Variants in GCNT2 observed in about 807,000 individuals in gnomAD.
GCNT2 encodes the protein glucosaminyl (N-acetyl) transferase 2 (I blood group), also known as N-acetyllactosaminide beta-1,6-N-acetylglucosaminyl-transferase.
GCNT2 carries 34 observed loss-of-function variants against 34.2 expected under a neutral mutation model. That is an observed-to-expected ratio of 1.00 (90% confidence interval 0.76 to 1.32). GCNT2 has a LOEUF of 1.32. Among genes scored for constraint, GCNT2 ranks in the 40% most tolerant of loss-of-function variants. The pLI, the probability that GCNT2 is intolerant of heterozygous loss-of-function variation, is 0.00. For synonymous variants in GCNT2, 212 were observed against 188.0 expected (o/e 1.13, Z -1.04); for missense variants, 584 against 489.4 (o/e 1.19, Z -1.82).
At chr6:10,625,546 G>A (rs145752497) in intron 4 of GCNT2, among the ~76,000 whole-genome samples, 13 of 151,984 alleles carry the variant, frequency 8.6e-5, no homozygotes, top group East Asian at 1.9e-4. Context: ...CAATATTGAC[G>A]TGTTACATCA....
intron 3 of GCNT2, among the ~76,000 whole-genome samples, chr6:10,571,252 AAAG>A (rs1277807579): frequency 6.6e-6 from 1 of 152,172 alleles, no homozygotes; most frequent in East Asian, 1.9e-4. Context: ...CCCCATACGG[AAAG>A]AAGATCTCTC....
At chr6:10,552,458 AAG>A in intron 3 of GCNT2, among the ~76,000 whole-genome samples, 1 of 152,018 alleles carries the variant, frequency 6.6e-6, no homozygotes, top group South Asian at 2.1e-4. Context: ...GCGGGGGAAA[AAG>A]AGTGGTTGCT....
chr6:10,605,114 C>T (rs910638342), intron 3 of GCNT2, among the ~76,000 whole-genome samples: 2 of 151,828 alleles, frequency 1.3e-5, no homozygotes, highest in Non-Finnish European at 2.9e-5. Flanking sequence ...CCATGTGCTC[C>T]AGCCTGGGAG....
chr6:10,609,854 G>A (rs913389894), intron 3 of GCNT2, among the ~76,000 whole-genome samples: 4 of 152,070 alleles, frequency 2.6e-5, no homozygotes, highest in East Asian at 3.9e-4. Flanking sequence ...GGTAAGAGGC[G>A]GCAGAAGAGG....
In GCNT2 at chr6:10,565,170, G is replaced by A. The variant is rs145267835; in HGVS notation, c.925+35334G>A. Among the ~76,000 whole-genome samples the A allele has an allele frequency of 1.8e-3, 275 of 152,346 alleles. 1 individual carries two copies. The highest frequency in any genetic ancestry group is 6.3e-3 in the African/African-American group (260 of 41,582). On this transcript the variant is annotated intron_variant, in intron 3 of 4. Coordinates refer to ENST00000495262, the MANE Select transcript of GCNT2 (RefSeq NM_145649.5). ...AAAAGCAGCCCGTGTGGCCATAGCC[G>A]AGCGAACGAGGATGAGAGCTGGACT...
chr6:10,615,526 C>G lies in GCNT2; in HGVS notation c.926-5825C>G, dbSNP rs1456095329. On this transcript the variant is annotated intron_variant, in intron 3 of 4. Coordinates refer to ENST00000495262, the MANE Select transcript of GCNT2 (RefSeq NM_145649.5). ...ATGGGATTTCTGTATGTTGCCCAGG[C>G]TGGTCTGAAACTCCTGGATTCAAGA... Among the ~76,000 whole-genome samples, 4 of 152,198 alleles carry G rather than the reference C, an allele frequency of 2.6e-5. No individual in the cohort carries two copies. The East Asian group carries it at 7.7e-4, about 29-fold the overall frequency.
In GCNT2 at chr6:10,620,613, C is replaced by T. The variant is rs368513284; in HGVS notation, c.926-738C>T. Among the ~76,000 whole-genome samples the T allele has an allele frequency of 4.5e-4, 69 of 152,020 alleles. 1 individual carries two copies. The South Asian group carries it at 0.013, about 29-fold the overall frequency. On this transcript the variant is annotated intron_variant, in intron 3 of 4. Transcript: ENST00000495262. ...GTAGAGACAGGGTTTCATTAGGTTG[C>T]CCAGGGATCTTCTTACCTCGGCCTC...
chr6:10,523,534 G>T (rs966482427), intron 1 of GCNT2, among the ~76,000 whole-genome samples: 1 of 150,290 alleles, frequency 6.7e-6, no homozygotes, highest in Non-Finnish European at 1.5e-5. Context: ...TTTCCCCCTC[G>T]TAGCCTCTTC....
chr6:10,552,165 G>A (rs918135973), intron 3 of GCNT2, among the ~76,000 whole-genome samples: 2 of 152,156 alleles, frequency 1.3e-5, no homozygotes, highest in African/African-American at 4.8e-5. Context: ...TGGGCCCCCG[G>A]AGAAGCAGGA....
At chr6:10,537,643 G>A (rs1157067790) in intron 3 of GCNT2, among the ~76,000 whole-genome samples, 2 of 139,602 alleles carry the variant, frequency 1.4e-5, no homozygotes, top group Non-Finnish European at 1.5e-5. Flanking sequence ...GGAGGTTGCA[G>A]TGAGCCGAGA....
chr6:10,607,007 C>T (rs772005678), intron 3 of GCNT2, among the ~76,000 whole-genome samples: 2 of 151,914 alleles, frequency 1.3e-5, no homozygotes, highest in Non-Finnish European at 2.9e-5. Flanking sequence ...AGTGCAATGG[C>T]GTGACCTCGG....
At chr6:10,583,469 A>C (rs897193325) in intron 3 of GCNT2, among the ~76,000 whole-genome samples, 6 of 152,118 alleles carry the variant, frequency 3.9e-5, no homozygotes, top group African/African-American at 1.4e-4. Flanking sequence ...TTAGTTGACC[A>C]GTTAATTTCT....
intron 3 of GCNT2, among the ~76,000 whole-genome samples, chr6:10,569,829 C>T (rs1343218873): frequency 6.8e-6 from 1 of 146,802 alleles, no homozygotes; most frequent in Non-Finnish European, 1.5e-5. Context: ...GGATTTCTTC[C>T]TTCCTTCCTT....
At position 10,529,965 on chromosome 6, in the gene GCNT2, A is replaced by C. The variant is rs1761404960; in HGVS notation, c.925+129A>C. 4 of 786,644 alleles carry C rather than the reference A, an allele frequency of 5.1e-6. No homozygotes were observed. The South Asian group carries it at 6.4e-5, about 13-fold the overall frequency. 48.7% of individuals were successfully genotyped at this position (786,644 alleles called of 1,614,324 possible). A position where few individuals can be genotyped will look rare whatever the true frequency, so the allele number is the denominator to read the frequency against. ...CGGTTTTAAATGTCAAATTAAAAAA[A>C]AAATTTCATCTGTAAAATGGTAAAA... On this transcript the variant is annotated intron_variant, in intron 3 of 4. Transcript: ENST00000495262.
At chr6:10,544,935 A>C (rs1454665100) in intron 3 of GCNT2, among the ~76,000 whole-genome samples, 1 of 148,144 alleles carries the variant, frequency 6.8e-6, no homozygotes, top group African/African-American at 2.6e-5. Flanking sequence ...ACAGAGCAAA[A>C]ACTCTGTCTC....
At chr6:10,527,813 TTA>T (rs1761273398) in intron 2 of GCNT2, among the ~76,000 whole-genome samples, 153 bp downstream of exon 2, 1 of 152,158 alleles carries the variant, frequency 6.6e-6, no homozygotes, top group Non-Finnish European at 1.5e-5. Context: ...TCTGTATATG[TTA>T]TCTCATTTTA....
chr6:10,601,940 C>CAAA (rs1554136367), intron 3 of GCNT2, among the ~76,000 whole-genome samples: 1 of 62,580 alleles, frequency 1.6e-5, no homozygotes, highest in African/African-American at 9.3e-5. Flanking sequence ...GACTCCATCT[C>CAAA]AAGAAAAAAA....
intron 3 of GCNT2, among the ~76,000 whole-genome samples, chr6:10,596,799 CCTTCAGCCAAAT>C (rs71548854): frequency 0.11 from 16,647 of 151,560 alleles, 1,081 homozygotes; most frequent in Middle Eastern, 0.17. Context: ...TGATATTTTG[CCTTCAGCCAAAT>C]CTGAATGTAT....
At chr6:10,557,265 CTGT>C (rs767605206) in intron 3 of GCNT2, 18 of 1,611,652 alleles carry the variant, frequency 1.1e-5, no homozygotes, top group Non-Finnish European at 1.4e-5. Context: ...GACCCACGGG[CTGT>C]TGATTTGCTC....
Sources: gnomAD v4.1 joint callset for allele counts (sites outside exome capture counted in the v4.1 genomes callset) on GRCh38, gnomAD v4.1.1 for gene constraint, MANE v1.5 for transcripts, NCBI Gene and HGNC (gene_info 2026-07-23, HGNC 2026-07-21) for gene names.